The following INPP5A variants were observed in gnomAD, a reference collection of about 807,000 sequenced individuals.
INPP5A encodes 43 kDa inositol polyphosphate 5-phophatase.
A neutral mutation model predicts 65.2 loss-of-function variants in INPP5A; 14 were observed. The ratio of observed to expected loss-of-function variants is 0.21; its 90% CI spans 0.14 to 0.34. The LOEUF (loss-of-function observed/expected upper bound fraction) is 0.34, where lower values mean the gene tolerates loss of function less well. INPP5A is among the 10% of genes least tolerant of loss of function. The probability of loss-of-function intolerance (pLI) is 1.00; values close to 1 mark genes in which losing one functional copy is unlikely to be tolerated. For missense variants in INPP5A, 431 were observed against 545.6 expected (o/e 0.79, Z 2.09); for synonymous variants, 207 against 208.3 (o/e 0.99, Z 0.05).
At chr10:132,760,659 A>G (rs764230378) in intron 11 of INPP5A, among the ~76,000 whole-genome samples, 1 of 152,204 alleles carries the variant, frequency 6.6e-6, no homozygotes, top group African/African-American at 2.4e-5. Context: ...CTCTGTGCCC[A>G]TCTCTGGTAC....
chr10:132,698,372 C>T lies in INPP5A; in HGVS notation c.474+453C>T, dbSNP rs892780572. 1.3e-5 allele frequency among the ~76,000 whole-genome samples: 2 copies of T among 152,162 alleles called. No individual in the cohort carries two copies. Among genetic ancestry groups the T allele is most frequent in the Non-Finnish European group, 2.9e-5 (2 of 68,034 alleles). ...CAGCCTTGGTGGTTGTGCCAGGCTGCGAGCAGCAGGGTCCCGGCAGTTATG... is the reference window on the plus strand; with the variant it reads ...CAGCCTTGGTGGTTGTGCCAGGCTGTGAGCAGCAGGGTCCCGGCAGTTATG... On this transcript the variant is annotated intron_variant, in intron 6 of 15. Coordinates refer to ENST00000368594, the MANE Select transcript of INPP5A (RefSeq NM_005539.5). This position sits in a 1 kb window ranked among gnomAD's most constrained non-coding sequence, Gnocchi z 5.5.
intron 9 of INPP5A, among the ~76,000 whole-genome samples, chr10:132,734,214 T>C (rs1846137157): frequency 6.6e-6 from 1 of 152,106 alleles, no homozygotes; most frequent in African/African-American, 2.4e-5. Context: ...GCATCACCTC[T>C]GGGCTGGACT....
rs2072960492 is a variant in INPP5A at position 132,676,029 on chromosome 10, A to G, written c.307-14363A>G. Among the ~76,000 whole-genome samples the G allele has an allele frequency of 6.6e-6, 1 of 152,268 alleles. No homozygotes were observed. Among genetic ancestry groups the G allele is most frequent in the South Asian group, 2.1e-4 (1 of 4,838 alleles). ...TTTAATTAGGATGCAAACTCCTTAC[A>G]TAATTTAATTGGCATAAAAGTTTAT... On this transcript the variant is annotated intron_variant, in intron 4 of 15. Coordinates refer to ENST00000368594, the MANE Select transcript of INPP5A (RefSeq NM_005539.5). The surrounding 1 kb of genome is among the most constrained non-coding windows in gnomAD (Gnocchi z 4.0).
chr10:132,620,709 A>G (rs993988362), intron 2 of INPP5A, among the ~76,000 whole-genome samples: 5 of 152,218 alleles, frequency 3.3e-5, no homozygotes, highest in Admixed American at 6.5e-5. Context: ...TCCTATATCT[A>G]TTCAATTAAA....
chr10:132,770,581 G>A (rs561101078), intron 12 of INPP5A, among the ~76,000 whole-genome samples: 4 of 152,320 alleles, frequency 2.6e-5, no homozygotes, highest in African/African-American at 7.2e-5. Context: ...TGGCCGCCCC[G>A]GTGGCCTGGC....
chr10:132,589,168 G>T (rs1437192869), intron 1 of INPP5A, among the ~76,000 whole-genome samples: 4 of 152,248 alleles, frequency 2.6e-5, no homozygotes, highest in African/African-American at 9.6e-5. Flanking sequence ...CACGTGCAGG[G>T]TTCCTGCCCA....
intron 1 of INPP5A, among the ~76,000 whole-genome samples, chr10:132,570,990 ACTCC>A (rs1423339153): frequency 6.6e-6 from 1 of 151,560 alleles, no homozygotes; most frequent in Admixed American, 6.6e-5. Context: ...AAAACGAGGC[ACTCC>A]CTCCCCACCA....
rs1202678834 is a variant in INPP5A, at chr10:132,749,841, C to T, written c.899C>T (p.Thr300Ile). ...NQEVFRDNNG[T>I]ALLEFDKELS... Reference sequence around the variant, plus strand: ...GAGGTTTTCCGAGACAACAACGGCACCGCGGTGAGTTTGTGGTCCAATGTG... The same window carrying T: ...GAGGTTTTCCGAGACAACAACGGCATCGCGGTGAGTTTGTGGTCCAATGTG... Residue 300 changes from threonine (T) to isoleucine (I), a missense_variant, in exon 11 of 16, where the codon ACC becomes ATC. Coordinates refer to ENST00000368594, the MANE Select transcript of INPP5A (RefSeq NM_005539.5). 2 of 1,613,008 alleles carry T rather than the reference C, an allele frequency of 1.2e-6. No individual in the cohort carries two copies. The highest frequency in any genetic ancestry group is 1.7e-6 in the Non-Finnish European group (2 of 1,179,786).
chr10:132,768,227 G>A (rs1317638996), intron 12 of INPP5A, among the ~76,000 whole-genome samples: 4 of 137,946 alleles, frequency 2.9e-5, no homozygotes, highest in African/African-American at 1.1e-4. Flanking sequence ...TGTGGACCCC[G>A]ACCCTCAGCG....
In INPP5A at chr10:132,698,961, G is replaced by A. The variant is rs914375357; in HGVS notation, c.474+1042G>A. 2.6e-5 allele frequency among the ~76,000 whole-genome samples: 4 copies of A among 152,312 alleles called. No homozygotes were observed. Among genetic ancestry groups the A allele is most frequent in the African/African-American group, 7.2e-5 (3 of 41,568 alleles). On this transcript the variant is annotated intron_variant, in intron 6 of 15. Coordinates refer to ENST00000368594, the MANE Select transcript of INPP5A (RefSeq NM_005539.5). The surrounding 1 kb of genome is among the most constrained non-coding windows in gnomAD (Gnocchi z 5.5). ...GGGTGCTCCTGTCACCCTGTGGCTC[G>A]GCCTCCTCATCCGTCTTCCCAAGGC...
chr10:132,587,640 G>A lies in INPP5A; in HGVS notation c.76-20275G>A, dbSNP rs1424058765. The stretch of plus-strand genomic sequence containing the variant: ...GCTCAGAAGCTAGCCAGAGGATTCC[G>A]TTCAGAAACGGGGCCTGTAGATAAT... On this transcript the variant is annotated intron_variant, in intron 1 of 15. Coordinates refer to ENST00000368594, the MANE Select transcript of INPP5A (RefSeq NM_005539.5). This position sits in a 1 kb window ranked among gnomAD's most constrained non-coding sequence, Gnocchi z 4.3. Among the ~76,000 whole-genome samples, 8 of 152,182 alleles carry A rather than the reference G, an allele frequency of 5.3e-5. No individual in the cohort carries two copies. In the East Asian group the frequency reaches 7.7e-4, roughly 15 times the overall value.
chr10:132,607,826 C>T, intron 1 of INPP5A, 89 bp from the exon 2 acceptor site: 2 of 1,302,432 alleles, frequency 1.5e-6, no homozygotes, highest in Non-Finnish European at 1.1e-6. Context: ...TGCTCCTGCC[C>T]CACGTTGTCT....
chr10:132,770,752 C>T (rs1284382545), intron 12 of INPP5A, among the ~76,000 whole-genome samples: 1 of 152,244 alleles, frequency 6.6e-6, no homozygotes, highest in Non-Finnish European at 1.5e-5. Flanking sequence ...AGTACCCATG[C>T]ACGGGGAGGT....
intron 4 of INPP5A, among the ~76,000 whole-genome samples, chr10:132,680,957 G>A (rs999288726): frequency 2.0e-5 from 3 of 152,228 alleles, no homozygotes; most frequent in African/African-American, 7.2e-5. Context: ...GCTCCTGTGC[G>A]GCCGGAGCCT....
chr10:132,616,109 GC>G lies in INPP5A; in HGVS notation c.117+8156del, dbSNP rs2072029284. ...GGAGCATGTGTGTGAGCGTGAGGAT[GC>G]CCATGGCCAGTGGACATGCCTTCCT... On this transcript the variant is annotated intron_variant, in intron 2 of 15. Transcript: ENST00000368594. This position sits in a 1 kb window ranked among gnomAD's most constrained non-coding sequence, Gnocchi z 4.9. Among the ~76,000 whole-genome samples the G allele has an allele frequency of 6.6e-6, 1 of 152,176 alleles. No homozygotes were observed. The highest frequency in any genetic ancestry group is 1.5e-5 in the Non-Finnish European group (1 of 68,010).
At chr10:132,599,751 A>G (rs1243884533) in intron 1 of INPP5A, among the ~76,000 whole-genome samples, 1 of 152,286 alleles carries the variant, frequency 6.6e-6, no homozygotes, top group African/African-American at 2.4e-5. Context: ...AGGCATTTTC[A>G]TACATCTTCT....
chr10:132,724,347 G>A (rs537325932), intron 8 of INPP5A, among the ~76,000 whole-genome samples: 7 of 152,302 alleles, frequency 4.6e-5, no homozygotes, highest in South Asian at 4.2e-4. Context: ...CCTTAATTCC[G>A]GATGGATTAA....
intron 1 of INPP5A, among the ~76,000 whole-genome samples, chr10:132,573,994 G>A (rs1339076368): frequency 8.4e-6 from 1 of 118,754 alleles, no homozygotes; most frequent in Non-Finnish European, 1.7e-5. Context: ...TGTACGTGCC[G>A]TGGGAGGTTT....
Position 132,729,302 on chromosome 10 carries a change from CT to C in INPP5A, c.732+2398del, listed in dbSNP as rs1846040994. On this transcript the variant is annotated intron_variant, in intron 9 of 15. Coordinates refer to ENST00000368594, the MANE Select transcript of INPP5A (RefSeq NM_005539.5). ...CTCCTGCATCACCTGGCCTGCTCCC[CT>C]GGCCTCCCTAAGTGCCTTCACACAC... 5.9e-5 allele frequency among the ~76,000 whole-genome samples: 9 copies of C among 152,350 alleles called. No individual in the cohort carries two copies. The South Asian group carries it at 1.9e-3, about 32-fold the overall frequency.
Sources: allele counts gnomAD v4.1 joint callset (sites outside exome capture counted in the v4.1 genomes callset), GRCh38; gene constraint gnomAD v4.1.1; non-coding constraint Gnocchi (gnomAD v3.1); transcripts MANE v1.5; gene names NCBI Gene and HGNC (gene_info 2026-07-23, HGNC 2026-07-21).